LRRC4C: variants seen among roughly 807,000 people sequenced by gnomAD.
LRRC4C encodes the protein leucine-rich repeat-containing protein 4C.
LRRC4C carries 5 observed loss-of-function variants against 33.6 expected under a neutral mutation model. The observed-to-expected ratio is 0.15, with a 90% CI of 0.08 to 0.31. LRRC4C has a LOEUF of 0.31. Among genes scored for constraint, LRRC4C ranks in the 10% least tolerant of loss-of-function variants. The pLI is 1.00. For synonymous variants in LRRC4C, 329 were observed against 302.0 expected, an observed-to-expected ratio of 1.09 and a Z score of -0.93; for missense variants, 560 against 796.7, an observed-to-expected ratio of 0.70 and a Z score of 3.58.
At position 41,263,680 on chromosome 11, in the gene LRRC4C, G is replaced by C. The variant is rs1384835432; in HGVS notation, c.-496+195751C>G. Among the ~76,000 whole-genome samples, 4 of 152,078 alleles carry C rather than the reference G, an allele frequency of 2.6e-5. No individual in the cohort carries two copies. The East Asian group carries it at 7.7e-4, about 29-fold the overall frequency. On this transcript the variant is annotated intron_variant, in intron 1 of 6. Coordinates refer to ENST00000528697, the MANE Select transcript of LRRC4C (RefSeq NM_001258419.2). Reference sequence around the variant, plus strand: ...TCTCCAGGGGAGAAGACTGCTAGGGGAGTTGTTGATGTAAGACAGGTCATT... The same window carrying C: ...TCTCCAGGGGAGAAGACTGCTAGGGCAGTTGTTGATGTAAGACAGGTCATT...
At chr11:41,205,967 C>T (rs780277953) in intron 1 of LRRC4C, among the ~76,000 whole-genome samples, 60 of 152,212 alleles carry the variant, frequency 3.9e-4, no homozygotes, top group Non-Finnish European at 6.3e-4. Context: ...CCTTAGCTGG[C>T]CAGTGTTTCT....
intron 3 of LRRC4C, among the ~76,000 whole-genome samples, chr11:40,395,101 A>G (rs1027419200): frequency 1.3e-5 from 2 of 152,182 alleles, no homozygotes; most frequent in African/African-American, 4.8e-5. Context: ...CAATTCACAC[A>G]TATCTTTAAA....
At chr11:40,512,155 T>C in intron 3 of LRRC4C, among the ~76,000 whole-genome samples, 1 of 152,210 alleles carries the variant, frequency 6.6e-6, no homozygotes. Context: ...ATTTTTATTA[T>C]GCATCTTATT....
chr11:41,421,966 T>C (rs984792459), intron 1 of LRRC4C, among the ~76,000 whole-genome samples: 5 of 152,022 alleles, frequency 3.3e-5, no homozygotes, highest in Admixed American at 6.6e-5. Flanking sequence ...TAGCTGTGTA[T>C]TTTTCCTGAA....
chr11:41,040,350 CA>C (rs1266704179), intron 1 of LRRC4C, among the ~76,000 whole-genome samples: 1 of 151,992 alleles, frequency 6.6e-6, no homozygotes, highest in East Asian at 1.9e-4. Flanking sequence ...ATTAGTCAGG[CA>C]GTGAATAAGT....
intron 1 of LRRC4C, among the ~76,000 whole-genome samples, chr11:41,130,305 T>C (rs913984900): frequency 1.3e-5 from 2 of 152,000 alleles, no homozygotes; most frequent in African/African-American, 2.4e-5. Flanking sequence ...GTGTCAATAA[T>C]GCAGTTTTTT....
At chr11:40,959,429 A>T (rs77289687) in intron 1 of LRRC4C, among the ~76,000 whole-genome samples, 5,158 of 151,768 alleles carry the variant, frequency 0.034, 144 homozygotes, top group South Asian at 0.13. Flanking sequence ...AACAAAAAAA[A>T]ATCCATTTTT....
chr11:40,427,065 G>T (rs1271099997), intron 3 of LRRC4C, among the ~76,000 whole-genome samples: 1 of 152,142 alleles, frequency 6.6e-6, no homozygotes, highest in Non-Finnish European at 1.5e-5. Flanking sequence ...ATGGCAGTAT[G>T]TATCACAAAG....
intron 1 of LRRC4C, among the ~76,000 whole-genome samples, chr11:41,233,686 A>G (rs531876956): frequency 6.6e-6 from 1 of 152,180 alleles, no homozygotes; most frequent in South Asian, 2.1e-4. Flanking sequence ...CAAATATGAT[A>G]AACTAAACAC....
Position 40,196,783 on chromosome 11 carries a change from C to T in LRRC4C, c.-96+44736G>A, listed in dbSNP as rs1277249431. 3.9e-5 allele frequency among the ~76,000 whole-genome samples: 6 copies of T among 152,150 alleles called. No individual in the cohort carries two copies. The East Asian group carries it at 1.2e-3, about 29-fold the overall frequency. ...AGCTATTATTATCATATTAAAAGATCTATTACTCTGTATATACAAATGTAA... is the reference window on the plus strand; with the variant it reads ...AGCTATTATTATCATATTAAAAGATTTATTACTCTGTATATACAAATGTAA... On this transcript the variant is annotated intron_variant, in intron 5 of 6. Coordinates refer to ENST00000528697, the MANE Select transcript of LRRC4C (RefSeq NM_001258419.2).
intron 1 of LRRC4C, among the ~76,000 whole-genome samples, chr11:40,944,560 TC>T (rs1958304550): frequency 2.0e-5 from 3 of 152,194 alleles, no homozygotes; most frequent in African/African-American, 7.2e-5. Flanking sequence ...TACCTCTGTC[TC>T]CCAAAAGCTC....
At chr11:40,876,161 T>G (rs1177384750) in intron 2 of LRRC4C, among the ~76,000 whole-genome samples, 1 of 151,982 alleles carries the variant, frequency 6.6e-6, no homozygotes, top group Non-Finnish European at 1.5e-5. Context: ...GCCACTGTCA[T>G]TTGCGATCTC....
intron 1 of LRRC4C, among the ~76,000 whole-genome samples, chr11:41,430,303 T>G (rs954713397): frequency 6.6e-6 from 1 of 152,186 alleles, no homozygotes; most frequent in African/African-American, 2.4e-5. Context: ...TGTCAGCTAT[T>G]ATAGCCATTT....
chr11:40,453,887 C>A (rs1325118380), intron 3 of LRRC4C, among the ~76,000 whole-genome samples: 2 of 152,046 alleles, frequency 1.3e-5, no homozygotes, highest in African/African-American at 4.8e-5. Context: ...TGTTGCATAA[C>A]CCTATGAAAT....
At chr11:40,594,587 G>T (rs1959184928) in intron 3 of LRRC4C, among the ~76,000 whole-genome samples, 2 of 152,088 alleles carry the variant, frequency 1.3e-5, no homozygotes, top group Non-Finnish European at 2.9e-5. Flanking sequence ...TTGAATTCTT[G>T]AAACATGAGG....
intron 3 of LRRC4C, chr11:40,446,839 A>G (rs936652244): frequency 6.6e-6 from 1 of 152,172 alleles, no homozygotes; most frequent in Non-Finnish European, 1.5e-5. Context: ...CAGCATGGGA[A>G]AAACCACCCC....
intron 2 of LRRC4C, among the ~76,000 whole-genome samples, chr11:40,664,270 C>T (rs1334366843): frequency 1.3e-5 from 2 of 152,102 alleles, no homozygotes; most frequent in African/African-American, 4.8e-5. Flanking sequence ...GTGGGCTGGA[C>T]ATGGTGGCTC....
At chr11:40,884,193 C>A (rs545316468) in intron 2 of LRRC4C, among the ~76,000 whole-genome samples, 64 of 152,018 alleles carry the variant, frequency 4.2e-4, no homozygotes, top group African/African-American at 1.4e-3. Flanking sequence ...ATTAGTTTGC[C>A]CAGGATGATG....
intron 2 of LRRC4C, among the ~76,000 whole-genome samples, chr11:40,817,786 T>G (rs1201104911): frequency 1.3e-5 from 2 of 152,144 alleles, no homozygotes; most frequent in African/African-American, 4.8e-5. Context: ...TTTTTTCTCT[T>G]TTCTCACTGC....
Sources: allele counts gnomAD v4.1 joint callset (sites outside exome capture counted in the v4.1 genomes callset), GRCh38; gene constraint gnomAD v4.1.1; transcripts MANE v1.5; gene names NCBI Gene and HGNC (gene_info 2026-07-23, HGNC 2026-07-21).